Variants in TASP1 observed in about 807,000 individuals in gnomAD.
TASP1 encodes taspase 1.
A neutral mutation model predicts 56.6 loss-of-function variants in TASP1; 16 were observed. The ratio of observed to expected loss-of-function variants is 0.28; its 90% CI spans 0.19 to 0.43. The LOEUF is 0.43. Ranked by LOEUF, TASP1 falls within the 20% of genes least tolerant of loss-of-function variation. TASP1 has a pLI of 1.00. For missense variants in TASP1, 393 were observed against 511.6 expected (o/e 0.77, Z 2.24); for synonymous variants, 179 against 184.2 (o/e 0.97, Z 0.23).
intron 10 of TASP1, among the ~76,000 whole-genome samples, chr20:13,521,450 A>G (rs2044750547): frequency 6.6e-6 from 1 of 152,188 alleles, no homozygotes; most frequent in South Asian, 2.1e-4. Context: ...AGCCATAAAA[A>G]AGGATGAGTT....
At chr20:13,298,908 C>A in the TASP1 span, 3 of 1,603,416 alleles carry the variant, frequency 1.9e-6, no homozygotes, top group Non-Finnish European at 2.6e-6. Flanking sequence ...CGGTTGTACA[C>A]GCGGTGAGAG....
intron 4 of TASP1, among the ~76,000 whole-genome samples, chr20:13,606,866 A>G (rs1601421230): frequency 6.6e-6 from 1 of 152,098 alleles, no homozygotes; most frequent in East Asian, 1.9e-4. Flanking sequence ...TATGTAAGGC[A>G]ATGCCTGGCA....
chr20:13,293,582 G>T, the TASP1 span, among the ~76,000 whole-genome samples: 4 of 151,998 alleles, frequency 2.6e-5, no homozygotes, highest in Non-Finnish European at 5.9e-5. Context: ...TTGGGGTCAG[G>T]TAATGGGGTC....
intron 11 of TASP1, among the ~76,000 whole-genome samples, chr20:13,474,091 T>C (rs1057092138): frequency 6.6e-6 from 1 of 152,096 alleles, no homozygotes; most frequent in African/African-American, 2.4e-5. Flanking sequence ...GAAATAAAAA[T>C]AAAAAAGGAT....
the TASP1 span, chr20:13,160,086 C>T: frequency 3.7e-6 from 6 of 1,613,732 alleles, no homozygotes; most frequent in Non-Finnish European, 5.1e-6. Flanking sequence ...GAAGCTCGGG[C>T]TCGGTTTTGT....
chr20:13,594,310 G>A (rs2047646227), intron 4 of TASP1, among the ~76,000 whole-genome samples: 1 of 152,216 alleles, frequency 6.6e-6, no homozygotes, highest in African/African-American at 2.4e-5. Flanking sequence ...AAAAACCAGA[G>A]CGCCTCTTCT....
At chr20:13,362,829 A>G in the TASP1 span, among the ~76,000 whole-genome samples, 1 of 113,610 alleles carries the variant, frequency 8.8e-6, no homozygotes, top group African/African-American at 4.0e-5. Context: ...ATATATATAT[A>G]TATATATATT....
intron 10 of TASP1, among the ~76,000 whole-genome samples, chr20:13,508,156 G>A (rs1326580658): frequency 6.6e-6 from 1 of 150,828 alleles, no homozygotes; most frequent in Non-Finnish European, 1.5e-5. Context: ...AGAAAACATA[G>A]GGAAGAAGCT....
At chr20:13,354,787 C>T in the TASP1 span, among the ~76,000 whole-genome samples, 9 of 151,640 alleles carry the variant, frequency 5.9e-5, no homozygotes, top group Non-Finnish European at 8.8e-5. Flanking sequence ...TGGAGGGATC[C>T]GGCAGGAAGG....
chr20:13,599,069 C>T lies in TASP1; in HGVS notation c.283-11699G>A, dbSNP rs559148598. ...ATGTGGAGAAATAAGAACGCTTTTA[C>T]ACTGTTGGTGGGAGTGTAAATTAGT... On this transcript the variant is annotated intron_variant, in intron 4 of 13. Coordinates refer to ENST00000337743, the MANE Select transcript of TASP1 (RefSeq NM_017714.3). Among the ~76,000 whole-genome samples, 7 of 152,308 alleles carry T rather than the reference C, an allele frequency of 4.6e-5. No homozygotes were observed. The South Asian group carries it at 1.5e-3, about 32-fold the overall frequency.
intron 12 of TASP1, among the ~76,000 whole-genome samples, chr20:13,428,867 T>C (rs1036411171): frequency 1.3e-5 from 2 of 152,216 alleles, no homozygotes; most frequent in African/African-American, 2.4e-5. Context: ...TCAACTTCTT[T>C]TAAAGTTTCT....
At chr20:13,289,166 T>C in the TASP1 span, among the ~76,000 whole-genome samples, 1 of 152,222 alleles carries the variant, frequency 6.6e-6, no homozygotes, top group African/African-American at 2.4e-5. Context: ...TATGCACAAT[T>C]GCAGTGGCCG....
the TASP1 span, among the ~76,000 whole-genome samples, chr20:13,152,637 A>C: frequency 2.0e-5 from 3 of 152,216 alleles, no homozygotes; most frequent in Non-Finnish European, 4.4e-5. Context: ...GAAAGACTCA[A>C]ATAGTCCCTA....
At chr20:13,173,583 G>A in the TASP1 span, among the ~76,000 whole-genome samples, 1 of 152,294 alleles carries the variant, frequency 6.6e-6, no homozygotes, top group East Asian at 1.9e-4. Flanking sequence ...TTACAGCAGT[G>A]GTTGTCCATC....
chr20:13,221,427 C>T, the TASP1 span, among the ~76,000 whole-genome samples: 1 of 146,742 alleles, frequency 6.8e-6, no homozygotes, highest in African/African-American at 2.5e-5. Context: ...GCCTCCGGCC[C>T]GGCCCGGGTC....
chr20:13,115,700 T>G, the TASP1 span, among the ~76,000 whole-genome samples: 8 of 152,234 alleles, frequency 5.3e-5, no homozygotes, highest in South Asian at 1.7e-3. Context: ...GCTCCCACTT[T>G]CCCAAGTTAG....
At chr20:13,576,238 C>T (rs1227171907) in intron 6 of TASP1, among the ~76,000 whole-genome samples, 1 of 73,178 alleles carries the variant, frequency 1.4e-5, no homozygotes, top group Non-Finnish European at 2.8e-5. Flanking sequence ...GGGAGGGGAG[C>T]GGAGGGAAGG....
At chr20:13,609,712 A>T (rs2048284467) in intron 4 of TASP1, among the ~76,000 whole-genome samples, 1 of 150,194 alleles carries the variant, frequency 6.7e-6, no homozygotes, top group Non-Finnish European at 1.5e-5. Context: ...AAAAAAAGTT[A>T]AACATAGAAT....
chr20:13,164,786 C>G, the TASP1 span: 5 of 1,613,808 alleles, frequency 3.1e-6, no homozygotes, highest in Non-Finnish European at 3.4e-6. Flanking sequence ...TGGGTGATCT[C>G]TTGCAACTGA....
Sources: gnomAD v4.1 joint callset for allele counts (sites outside exome capture counted in the v4.1 genomes callset) on GRCh38, gnomAD v4.1.1 for gene constraint, MANE v1.5 for transcripts, NCBI Gene and HGNC (gene_info 2026-07-23, HGNC 2026-07-21) for gene names.